The following TINAG variants were observed in gnomAD, a reference collection of about 807,000 sequenced individuals.
TINAG encodes tubulointerstitial nephritis antigen.
In TINAG, 83 loss-of-function variants were observed where a neutral mutation model predicts 72.7. The ratio of observed to expected loss-of-function variants is 1.14; its 90% CI spans 0.96 to 1.37. The LOEUF (loss-of-function observed/expected upper bound fraction) is 1.37, where lower values mean the gene tolerates loss of function less well. Ranked by LOEUF, TINAG falls within the 40% of genes most tolerant of loss-of-function variation. The probability of loss-of-function intolerance (pLI) is 0.00; values close to 1 mark genes in which losing one functional copy is unlikely to be tolerated. For missense variants in TINAG, 685 were observed against 576.6 expected (o/e 1.19, Z -1.93); for synonymous variants, 234 against 189.9 (o/e 1.23, Z -1.91).
intron 9 of TINAG, 96 bp from the exon 10 acceptor site, chr6:54,380,430 C>T: frequency 9.9e-7 from 1 of 1,009,670 alleles, no homozygotes; most frequent in Non-Finnish European, 1.5e-6. Context: ...AGAGAGAAAG[C>T]ACAAAAGATG....
At chr6:54,374,787 G>A (rs1763731476) in intron 9 of TINAG, among the ~76,000 whole-genome samples, 1 of 151,990 alleles carries the variant, frequency 6.6e-6, no homozygotes, top group South Asian at 2.1e-4. Flanking sequence ...TAATAAGAAG[G>A]GTTGGAGTTC....
At chr6:54,351,289 C>A in intron 7 of TINAG, 63 bp from the exon 8 acceptor site, 3 of 1,417,542 alleles carry the variant, frequency 2.1e-6, no homozygotes, top group South Asian at 1.2e-5. Flanking sequence ...CATTGTACAC[C>A]AATCAATGGG....
intron 9 of TINAG, among the ~76,000 whole-genome samples, chr6:54,360,523 C>G (rs1763193762): frequency 6.6e-6 from 1 of 151,538 alleles, no homozygotes; most frequent in African/African-American, 2.4e-5. Flanking sequence ...TGGTCCTATT[C>G]CACATCTCCA....
intron 9 of TINAG, among the ~76,000 whole-genome samples, chr6:54,363,801 G>A (rs1294753655): frequency 6.6e-6 from 1 of 151,178 alleles, no homozygotes; most frequent in Admixed American, 6.6e-5. Context: ...AGGCCAGTGA[G>A]GTTTAAAAAG....
chr6:54,343,860 G>T (rs901842515), intron 5 of TINAG, among the ~76,000 whole-genome samples: 1 of 152,082 alleles, frequency 6.6e-6, no homozygotes, highest in African/African-American at 2.4e-5. Flanking sequence ...TATAGGTTCT[G>T]ACTCAAAAGT....
At chr6:54,359,247 T>C (rs1763152659) in intron 9 of TINAG, among the ~76,000 whole-genome samples, 1 of 151,868 alleles carries the variant, frequency 6.6e-6, no homozygotes, top group Admixed American at 6.6e-5. Flanking sequence ...TCTACCTAAG[T>C]TCCATTTCCA....
rs374059886 is a variant in TINAG at position 54,380,509 on chromosome 6, A to G, written c.1251-17A>G. On this transcript the variant is annotated splice_polypyrimidine_tract_variant and intron_variant, in intron 9 of 10. Coordinates refer to ENST00000259782, the MANE Select transcript of TINAG (RefSeq NM_014464.4). The stretch of plus-strand genomic sequence containing the variant: ...CATTTTAACCATACCAATCTTTATT[A>G]TTGTTATTAATTGTAGATGGGGCAC... The G allele has an allele frequency of 5.0e-6, 8 of 1,603,506 alleles. No homozygotes were observed. The highest frequency in any genetic ancestry group is 6.0e-6 in the Non-Finnish European group (7 of 1,173,780).
intron 9 of TINAG, among the ~76,000 whole-genome samples, chr6:54,355,509 T>G (rs920310793): frequency 3.3e-5 from 5 of 151,954 alleles, no homozygotes; most frequent in African/African-American, 9.7e-5. Flanking sequence ...TCCTGTGTGA[T>G]GCTTCCTTAA....
At chr6:54,310,676 C>T (rs1784225449) in intron 1 of TINAG, among the ~76,000 whole-genome samples, 2 of 125,780 alleles carry the variant, frequency 1.6e-5, no homozygotes, top group South Asian at 4.8e-4. Context: ...CTCTTTCTCT[C>T]CCTCTTTCTT....
At chr6:54,359,659 A>G (rs141308283) in intron 9 of TINAG, among the ~76,000 whole-genome samples, 22 of 151,946 alleles carry the variant, frequency 1.4e-4, no homozygotes, top group African/African-American at 5.3e-4. Flanking sequence ...TTATAAATTT[A>G]CTTTACTCAC....
intron 10 of TINAG, among the ~76,000 whole-genome samples, chr6:54,382,620 G>C (rs1397558769): frequency 6.6e-6 from 1 of 151,998 alleles, no homozygotes; most frequent in Non-Finnish European, 1.5e-5. Context: ...CCTAACTAGA[G>C]ATACAACACC....
At chr6:54,360,895 C>T in intron 9 of TINAG, among the ~76,000 whole-genome samples, 1 of 99,190 alleles carries the variant, frequency 1.0e-5, no homozygotes, top group Non-Finnish European at 2.0e-5. Flanking sequence ...TTGTGGCAAC[C>T]CTACATGGAG....
At chr6:54,313,953 T>C (rs1297636819) in intron 1 of TINAG, among the ~76,000 whole-genome samples, 2 of 152,250 alleles carry the variant, frequency 1.3e-5, no homozygotes, top group Non-Finnish European at 2.9e-5. Context: ...TATCCATGAT[T>C]GTGGTAAGCA....
At chr6:54,344,783 G>C (rs1246469150) in intron 5 of TINAG, among the ~76,000 whole-genome samples, 3 of 152,016 alleles carry the variant, frequency 2.0e-5, no homozygotes, top group Non-Finnish European at 2.9e-5. Context: ...ACCAGAGAGA[G>C]GTTTCCTTTT....
At chr6:54,384,009 A>T (rs6902402) in intron 10 of TINAG, among the ~76,000 whole-genome samples, 15,300 of 152,190 alleles carry the variant, frequency 0.1, 1,435 homozygotes, top group East Asian at 0.3. Flanking sequence ...TACACCATAG[A>T]ATACTACGCA....
chr6:54,314,584 C>T (rs115832367), intron 1 of TINAG, among the ~76,000 whole-genome samples: 1 of 152,120 alleles, frequency 6.6e-6, no homozygotes, highest in African/African-American at 2.4e-5. Flanking sequence ...AACCAGCAAT[C>T]TCTGCCAAAA....
intron 9 of TINAG, among the ~76,000 whole-genome samples, chr6:54,374,588 C>T (rs1347973865): frequency 2.6e-5 from 4 of 152,034 alleles, no homozygotes. Context: ...AAATAAAAGC[C>T]TGCATATCTT....
chr6:54,333,672 AGT>A (rs1403528901), intron 4 of TINAG, among the ~76,000 whole-genome samples: 1 of 152,132 alleles, frequency 6.6e-6, no homozygotes. Flanking sequence ...AGAATAATTG[AGT>A]GTTTATTTAC....
At chr6:54,324,714 C>T (rs1053015319) in intron 3 of TINAG, among the ~76,000 whole-genome samples, 1 of 152,148 alleles carries the variant, frequency 6.6e-6, no homozygotes, top group African/African-American at 2.4e-5. Flanking sequence ...TTGGTTCTTC[C>T]TTCCTTTTAC....
Sources: allele counts gnomAD v4.1 joint callset (sites outside exome capture counted in the v4.1 genomes callset), GRCh38; gene constraint gnomAD v4.1.1; transcripts MANE v1.5; gene names NCBI Gene and HGNC (gene_info 2026-07-23, HGNC 2026-07-21).